Variants in CHMP2B observed in about 807,000 individuals in gnomAD.
CHMP2B encodes the protein VPS2 homolog B.
A neutral mutation model predicts 29.8 loss-of-function variants in CHMP2B; 22 were observed. That is an observed-to-expected ratio of 0.74 (90% CI 0.53 to 1.05). CHMP2B has a LOEUF of 1.05. Ranked by LOEUF, CHMP2B falls within the 50% of genes least tolerant of loss-of-function variation. The pLI, the probability that CHMP2B is intolerant of heterozygous loss-of-function variation, is 0.00. For synonymous variants in CHMP2B, 78 were observed against 75.8 expected (o/e 1.03, Z -0.15); for missense variants, 261 against 252.2 (o/e 1.03, Z -0.24).
chr3:87,242,817 G>A (rs74705198), intron 2 of CHMP2B, among the ~76,000 whole-genome samples: 22 of 152,096 alleles, frequency 1.4e-4, no homozygotes, highest in African/African-American at 4.8e-4. Flanking sequence ...AGCTAATACC[G>A]CATTATTTTT....
chr3:87,247,325 T>C (rs1706232177), intron 3 of CHMP2B, among the ~76,000 whole-genome samples: 1 of 152,244 alleles, frequency 6.6e-6, no homozygotes, highest in Non-Finnish European at 1.5e-5. Context: ...CTATACCTCA[T>C]TCTGGAACAA....
intron 2 of CHMP2B, among the ~76,000 whole-genome samples, chr3:87,242,700 A>T (rs1299675496): frequency 1.3e-5 from 2 of 152,172 alleles, no homozygotes; most frequent in Non-Finnish European, 2.9e-5. Context: ...AGTTGTTTCA[A>T]CATAATTATT....
chr3:87,227,332 C>A lies in CHMP2B; in HGVS notation c.-191C>A. The A allele has an allele frequency of 1.6e-6, 1 of 642,446 alleles. No homozygotes were observed. Among genetic ancestry groups the A allele is most frequent in the Non-Finnish European group, 2.8e-6 (1 of 358,242 alleles). The allele number at this position is 642,446 out of a possible 1,614,324, so 39.8% of individuals were successfully genotyped here. A position where few individuals can be genotyped will look rare whatever the true frequency, so the allele number is the denominator to read the frequency against. ...GTGTTAGTTCCCGGTCACCTGAGCT[C>A]CGGGTGACGCGGCTGCGGTAGCTGC... On this transcript the variant is annotated 5_prime_UTR_variant, in exon 1 of 6. Coordinates refer to ENST00000263780, the MANE Select transcript of CHMP2B (RefSeq NM_014043.4).
At chr3:87,253,544 T>C (rs772378083) in intron 5 of CHMP2B, 34 bp downstream of exon 5, 6 of 1,451,984 alleles carry the variant, frequency 4.1e-6, no homozygotes, top group Non-Finnish European at 5.8e-6. Flanking sequence ...TTGGAAATAG[T>C]TTCTGCCTAC....
chr3:87,252,702 G>T (rs1404551993), intron 4 of CHMP2B, among the ~76,000 whole-genome samples: 1 of 151,722 alleles, frequency 6.6e-6, no homozygotes, highest in African/African-American at 2.4e-5. Flanking sequence ...TATACCCATT[G>T]TATTTATATT....
At chr3:87,251,579 G>T (rs1216597823) in intron 4 of CHMP2B, among the ~76,000 whole-genome samples, 2 of 151,846 alleles carry the variant, frequency 1.3e-5, no homozygotes, top group African/African-American at 2.4e-5. Flanking sequence ...GTTATTGATG[G>T]TTACTCATTT....
At chr3:87,247,145 A>G (rs1226353096) in intron 3 of CHMP2B, among the ~76,000 whole-genome samples, 1 of 152,220 alleles carries the variant, frequency 6.6e-6, no homozygotes, top group Non-Finnish European at 1.5e-5. Flanking sequence ...GAAATAGTGC[A>G]TATTGAACCA....
intron 1 of CHMP2B, among the ~76,000 whole-genome samples, chr3:87,228,398 T>C (rs1705851647): frequency 6.6e-6 from 1 of 152,238 alleles, no homozygotes; most frequent in Non-Finnish European, 1.5e-5. Context: ...TATTTAAAAA[T>C]TGTGTTCCCC....
intron 4 of CHMP2B, among the ~76,000 whole-genome samples, chr3:87,250,194 A>T (rs1424889509): frequency 1.3e-5 from 2 of 151,962 alleles, no homozygotes; most frequent in East Asian, 3.9e-4. Flanking sequence ...TTTACTGATT[A>T]GTATACCAAA....
intron 4 of CHMP2B, among the ~76,000 whole-genome samples, chr3:87,250,275 T>C (rs1706291450): frequency 6.6e-6 from 1 of 152,024 alleles, no homozygotes; most frequent in Non-Finnish European, 1.5e-5. Context: ...TCTTTGATAC[T>C]GTAGAAGATT....
chr3:87,253,029 T>G (rs1164561349), intron 4 of CHMP2B: 2 of 191,934 alleles, frequency 1.0e-5, no homozygotes, highest in South Asian at 9.4e-5. Flanking sequence ...TTTCCAGATA[T>G]TAACAGGATA....
At chr3:87,251,351 T>C (rs946720132) in intron 4 of CHMP2B, among the ~76,000 whole-genome samples, 1 of 151,966 alleles carries the variant, frequency 6.6e-6, no homozygotes, top group Admixed American at 6.6e-5. Context: ...TATATAATGA[T>C]CTTAGTACTT....
intron 1 of CHMP2B, among the ~76,000 whole-genome samples, chr3:87,236,124 T>C (rs1007124437): frequency 5.9e-5 from 9 of 152,156 alleles, no homozygotes; most frequent in African/African-American, 2.2e-4. Context: ...ATCTCTTAGG[T>C]AAGGTTTTTT....
At chr3:87,253,563 T>C in intron 5 of CHMP2B, 53 bp downstream of exon 5, 1 of 1,403,518 alleles carries the variant, frequency 7.1e-7, no homozygotes, top group Middle Eastern at 1.8e-4. Context: ...ACCACGTTTG[T>C]CACTTAATTG....
chr3:87,237,913 G>A (rs543212669), intron 1 of CHMP2B, among the ~76,000 whole-genome samples: 2 of 152,250 alleles, frequency 1.3e-5, no homozygotes, highest in African/African-American at 4.8e-5. Flanking sequence ...TTAGAGATGT[G>A]CTATGGTTTC....
intron 4 of CHMP2B, among the ~76,000 whole-genome samples, chr3:87,251,738 AATCTTATACT>A (rs1479912706): frequency 1.3e-5 from 2 of 151,954 alleles, no homozygotes; most frequent in African/African-American, 4.8e-5. Context: ...ATCGTTGGGA[AATCTTATACT>A]ATACCTCTGA....
intron 2 of CHMP2B, among the ~76,000 whole-genome samples, chr3:87,244,016 G>GT (rs199714323): frequency 7.7e-6 from 1 of 129,290 alleles, no homozygotes; most frequent in Non-Finnish European, 1.7e-5. Flanking sequence ...TTCTGTTTTT[G>GT]TTTTTTGTTT....
At chr3:87,240,080 A>G (rs894526396) in intron 1 of CHMP2B, among the ~76,000 whole-genome samples, 2 of 151,836 alleles carry the variant, frequency 1.3e-5, no homozygotes, top group African/African-American at 4.8e-5. Context: ...TGTGTGACAT[A>G]TATATGTGCT....
chr3:87,229,896 G>C (rs1431199363), intron 1 of CHMP2B, among the ~76,000 whole-genome samples: 2 of 152,098 alleles, frequency 1.3e-5, no homozygotes, highest in Non-Finnish European at 2.9e-5. Context: ...TTACTATTCA[G>C]AGTTATGTTT....
Sources: allele counts gnomAD v4.1 joint callset (sites outside exome capture counted in the v4.1 genomes callset), GRCh38; gene constraint gnomAD v4.1.1; transcripts MANE v1.5; gene names NCBI Gene and HGNC (gene_info 2026-07-23, HGNC 2026-07-21).